SRCAP: variants seen among roughly 807,000 people sequenced by gnomAD.
The protein encoded by SRCAP is Snf2 related CREBBP activator protein.
A neutral mutation model predicts 263.1 loss-of-function variants in SRCAP; 46 were observed. The ratio of observed to expected loss-of-function variants is 0.17; its 90% confidence interval spans 0.14 to 0.22. The LOEUF (loss-of-function observed/expected upper bound fraction) is 0.22, where lower values mean the gene tolerates loss of function less well. Ranked by LOEUF, SRCAP falls within the 10% of genes least tolerant of loss-of-function variation. The probability of loss-of-function intolerance (pLI) is 1.00; values close to 1 mark genes in which losing one functional copy is unlikely to be tolerated. For missense variants in SRCAP, 3,695 were observed against 4,181.9 expected (o/e 0.88, Z 3.21); for synonymous variants, 1,813 against 1,662.1 (o/e 1.09, Z -2.21).
Position 30,738,176 on chromosome 16 carries a change from G to C in SRCAP, c.8136G>C (p.Glu2712Asp), listed in dbSNP as rs1218272882. The C allele has an allele frequency of 2.5e-6, 4 of 1,614,172 alleles. No individual in the cohort carries two copies. The South Asian group carries it at 3.3e-5, about 13-fold the overall frequency. ...STSSSATSSP[E>D]GPSPARPPRR... ...CATCTTCAGCCACTTCCTCGCCTGA[G>C]GGTCCTTCACCTGCCCGACCTCCTC... Residue 2712 changes from glutamate (E) to aspartate (D), a missense_variant, in exon 34 of 34, where the codon GAG becomes GAC. Physicochemically the swap from Glu to Asp is conservative, Grantham distance 45. Transcript: ENST00000262518.
intron 25 of SRCAP, among the ~76,000 whole-genome samples, chr16:30,727,585 ACT>A (rs1165920349): frequency 2.0e-5 from 3 of 151,546 alleles, no homozygotes; most frequent in Non-Finnish European, 4.4e-5. Context: ...ATGGAGACTC[ACT>A]CTGTCACCAG....
chr16:30,722,598 C>T lies in SRCAP; in HGVS notation c.3742C>T (p.His1248Tyr). The T allele has an allele frequency of 6.2e-7, 1 of 1,614,136 alleles. No homozygotes were observed. The highest frequency in any genetic ancestry group is 8.5e-7 in the Non-Finnish European group (1 of 1,180,026). The change falls in exon 23 of 34, where the codon CAC (histidine) becomes TAC (tyrosine). Residue 1248 changes from histidine to tyrosine, a missense_variant. Coordinates refer to ENST00000262518, the MANE Select transcript of SRCAP (RefSeq NM_006662.3). ...GCACCTCGTGTCAGCAGGGGGGCAG[C>T]ACCATCTCATCAGCCAGCCTGCCCA... Reference protein sequence around the residue: ...VVHLVSAGGQHHLISQPAHVA... With the variant: ...VVHLVSAGGQYHLISQPAHVA...
chr16:30,705,330 C>T (rs938736059), intron 4 of SRCAP, among the ~76,000 whole-genome samples: 1 of 152,180 alleles, frequency 6.6e-6, no homozygotes, highest in East Asian at 1.9e-4. Flanking sequence ...TACCTCTCAC[C>T]CACCGACCCA....
intron 4 of SRCAP, among the ~76,000 whole-genome samples, chr16:30,705,459 C>G (rs1158804642): frequency 6.6e-6 from 1 of 152,118 alleles, no homozygotes; most frequent in Admixed American, 6.5e-5. Flanking sequence ...AGTGCAGTGG[C>G]AGAATTTTGG....
intron 16 of SRCAP, 37 bp from the exon 17 acceptor site, chr16:30,716,029 G>C (rs749677257): frequency 5.6e-6 from 9 of 1,612,938 alleles, no homozygotes; most frequent in Non-Finnish European, 5.9e-6. Context: ...CGGTGCCTGA[G>C]TTCTCCTGTT....
intron 18 of SRCAP, among the ~76,000 whole-genome samples, chr16:30,717,262 G>A (rs1004509051): frequency 6.6e-6 from 1 of 152,092 alleles, no homozygotes; most frequent in Non-Finnish European, 1.5e-5. Flanking sequence ...TATTTTTGAA[G>A]AAATGTCTTT....
chr16:30,723,238 A>G lies in SRCAP; in HGVS notation c.4159+9A>G, dbSNP rs762290943. ...TTCACCTGAAGTCAGTGGTGAGTCC[A>G]GGTGGCTGAGGCCAGAAATCCTTGC... is the stretch of plus-strand genomic sequence containing the variant. On this transcript the variant is annotated intron_variant, in intron 24 of 33. Coordinates refer to ENST00000262518, the MANE Select transcript of SRCAP (RefSeq NM_006662.3). The G allele has an allele frequency of 4.4e-6, 7 of 1,587,772 alleles. No individual in the cohort carries two copies. The South Asian group carries it at 5.6e-5, about 13-fold the overall frequency.
intron 30 of SRCAP, 139 bp downstream of exon 30, chr16:30,734,147 A>C (rs759250986): frequency 9.8e-5 from 74 of 755,358 alleles, no homozygotes; most frequent in Non-Finnish European, 1.2e-4. Flanking sequence ...GTTGGAGACC[A>C]GGCTGGCCAA....
In SRCAP at chr16:30,720,168, G is replaced by A. The variant is rs1396834589; in HGVS notation, c.2824G>A (p.Asp942Asn). Reference protein sequence around the residue: ...ATDVHPLQRIDMGRFDLIGLE... With the variant: ...ATDVHPLQRINMGRFDLIGLE... ...GCTTTCTTTCTTGTGGCAGCGGATA[G>A]ACATGGGTCGATTTGACCTTATTGG... The change falls in exon 19 of 34, where the codon GAC (aspartate) becomes AAC (asparagine). Residue 942 changes from aspartate to asparagine, a missense_variant. By Grantham distance (23) the Asp-to-Asn change is conservative (BLOSUM62 1). Around this residue, in one of 12 missense-constraint regions of SRCAP, gnomAD observed 147 missense variants for 212.7 expected, o/e 0.69. Transcript: ENST00000262518. 1.2e-6 allele frequency: 2 copies of A among 1,608,212 alleles called. No homozygotes were observed. The highest frequency in any genetic ancestry group is 2.2e-5 in the East Asian group (1 of 44,672).
intron 4 of SRCAP, among the ~76,000 whole-genome samples, chr16:30,706,643 T>C (rs895551297): frequency 2.0e-5 from 3 of 152,234 alleles, no homozygotes; most frequent in African/African-American, 7.2e-5. Context: ...ATATGCATTT[T>C]TACAAAAGTA....
Position 30,721,198 on chromosome 16 carries a change from C to A in SRCAP, c.3263C>A (p.Ser1088Tyr), listed in dbSNP as rs1277495122. Reference sequence around the variant, plus strand: ...TGCTTTGTGTCTGCAGTGTTGCCATCCCCCCTGGGGGTCCTGAGTGGGACC... The same window carrying A: ...TGCTTTGTGTCTGCAGTGTTGCCATACCCCCTGGGGGTCCTGAGTGGGACC... The part of the protein sequence containing the change: ...NSGSLPQVLP[S>Y]PLGVLSGTSR... The change falls in exon 21 of 34, where the codon TCC becomes TAC. Residue 1088 changes from serine to tyrosine, a missense_variant. Coordinates refer to ENST00000262518, the MANE Select transcript of SRCAP (RefSeq NM_006662.3). The A allele has an allele frequency of 6.2e-7, 1 of 1,605,754 alleles. No homozygotes were observed. Among genetic ancestry groups the A allele is most frequent in the South Asian group, 1.1e-5 (1 of 89,928 alleles).
At chr16:30,702,206 G>T (rs558439748) in intron 3 of SRCAP, among the ~76,000 whole-genome samples, 1 of 151,342 alleles carries the variant, frequency 6.6e-6, no homozygotes, top group African/African-American at 2.4e-5. Flanking sequence ...GCCTTACTCA[G>T]CCTCTCAAAA....
intron 18 of SRCAP, 96 bp downstream of exon 18, chr16:30,716,575 C>T (rs2052952968): frequency 9.5e-7 from 1 of 1,051,802 alleles, no homozygotes; most frequent in Non-Finnish European, 1.4e-6. Context: ...CTTTTGCATC[C>T]TCATGACTCC....
At chr16:30,714,075 T>TC (rs2052920212) in intron 16 of SRCAP, among the ~76,000 whole-genome samples, 1 of 150,582 alleles carries the variant, frequency 6.6e-6, no homozygotes, top group Non-Finnish European at 1.5e-5. Flanking sequence ...TTTTTTTTTT[T>TC]TTTTTTTTGA....
Position 30,739,317 on chromosome 16 carries a change from G to A in SRCAP, c.9277G>A (p.Asp3093Asn), listed in dbSNP as rs1374995852. The A allele has an allele frequency of 1.2e-6, 2 of 1,614,190 alleles. No homozygotes were observed. Among genetic ancestry groups the A allele is most frequent in the South Asian group, 1.1e-5 (1 of 91,078 alleles). The change falls in exon 34 of 34, where the codon GAC becomes AAC. Residue 3093 changes from aspartate to asparagine, a missense_variant. By Grantham distance (23) the Asp-to-Asn change is conservative (BLOSUM62 1). Transcript: ENST00000262518. Reference sequence around the variant, plus strand: ...CATGGTGGTGGCTGTAATTCAGGATGACCTGGACTTAGCAGATAGCGGGCC... The same window carrying A: ...CATGGTGGTGGCTGTAATTCAGGATAACCTGGACTTAGCAGATAGCGGGCC... ...GSMVVAVIQD[D>N]LDLADSGPGG...
chr16:30,715,053 G>A (rs1450866195), intron 16 of SRCAP, among the ~76,000 whole-genome samples: 1 of 151,872 alleles, frequency 6.6e-6, no homozygotes, highest in Non-Finnish European at 1.5e-5. Flanking sequence ...CATTCCTAAG[G>A]CTTTGACTAT....
At chr16:30,710,875 C>A (rs1223089791) in intron 9 of SRCAP, 28 bp downstream of exon 9, 2 of 1,609,812 alleles carry the variant, frequency 1.2e-6, no homozygotes, top group Non-Finnish European at 1.7e-6. Context: ...TGTCCTATTG[C>A]CCCTTACCCC....
At position 30,704,200 on chromosome 16, in the gene SRCAP, C is replaced by G. The variant is rs770735806; in HGVS notation, c.191C>G (p.Pro64Arg). ...TCACTGGATGGACCTCCAGGCCCCC[C>G]AGATGGTGCCACAGTGCCCCTGGAG... ...DSSLDGPPGP[P>R]DGATVPLEGF... The change falls in exon 4 of 34, where the codon CCA becomes CGA. Residue 64 changes from proline to arginine, a missense_variant. By Grantham distance (103) the Pro-to-Arg change is moderately radical (BLOSUM62 -2). Coordinates refer to ENST00000262518, the MANE Select transcript of SRCAP (RefSeq NM_006662.3). 3 of 1,614,220 alleles carry G rather than the reference C, an allele frequency of 1.9e-6. No homozygotes were observed. In the South Asian group the frequency reaches 3.3e-5, roughly 18 times the overall value.
In SRCAP at chr16:30,739,537, A is replaced by T. The variant is rs530672259; in HGVS notation, c.9497A>T (p.Glu3166Val). Reference protein sequence around the residue: ...RLQPPSPLGPEGSVEESEAEA... With the variant: ...RLQPPSPLGPVGSVEESEAEA... The stretch of plus-strand genomic sequence containing the variant: ...CAGCCCCCAAGTCCCCTGGGGCCTG[A>T]GGGTTCAGTAGAGGAGTCTGAGGCT... Residue 3166 changes from glutamate to valine, a missense_variant, in exon 34 of 34, where the codon GAG becomes GTG. Coordinates refer to ENST00000262518, the MANE Select transcript of SRCAP (RefSeq NM_006662.3). The T allele has an allele frequency of 3.2e-5, 51 of 1,610,852 alleles. No individual in the cohort carries two copies. The highest frequency in any genetic ancestry group is 5.0e-5 in the Admixed American group (3 of 59,552).
Sources: gnomAD v4.1 joint callset for allele counts (sites outside exome capture counted in the v4.1 genomes callset) on GRCh38, gnomAD v4.1.1 for gene constraint, gnomAD v4.1.1 regional missense constraint, MANE v1.5 for transcripts, NCBI Gene and HGNC (gene_info 2026-07-23, HGNC 2026-07-21) for gene names.